The following CPA6 variants were observed in gnomAD, a reference collection of about 807,000 sequenced individuals.
CPA6 encodes the protein carboxypeptidase A6, also known as carboxypeptidase B.
CPA6 carries 58 observed loss-of-function variants against 63.3 expected under a neutral mutation model. That is an observed-to-expected ratio of 0.92 (90% CI 0.74 to 1.14). The LOEUF (loss-of-function observed/expected upper bound fraction) is 1.14. CPA6 is among the 50% of genes most tolerant of loss of function. CPA6 has a pLI of 0.00. For missense variants in CPA6, 565 were observed against 526.6 expected, an observed-to-expected ratio of 1.07 and a Z score of -0.71; for synonymous variants, 185 against 179.0, an observed-to-expected ratio of 1.03 and a Z score of -0.27.
intron 1 of CPA6, among the ~76,000 whole-genome samples, chr8:67,659,832 C>T (rs1325184994): frequency 2.0e-5 from 3 of 152,176 alleles, no homozygotes; most frequent in Non-Finnish European, 4.4e-5. Flanking sequence ...ATGTTGTTAT[C>T]AAGATGCAAA....
At position 67,441,955 on chromosome 8, in the gene CPA6, G is replaced by A. The variant is rs554650128; in HGVS notation, c.839-7715C>T. Among the ~76,000 whole-genome samples, 5 of 152,196 alleles carry A rather than the reference G, an allele frequency of 3.3e-5. 1 individual carries two copies. The highest frequency in any genetic ancestry group is 4.1e-4 in the South Asian group (2 of 4,820). ...AAATTTTTTCACAAGAATACATGCAGGGTGAACAGTGGGGGAAAAGGACTT... is the reference window on the plus strand; with the variant it reads ...AAATTTTTTCACAAGAATACATGCAAGGTGAACAGTGGGGGAAAAGGACTT... On this transcript the variant is annotated intron_variant, in intron 8 of 10. Coordinates refer to ENST00000297770, the MANE Select transcript of CPA6 (RefSeq NM_020361.5).
At chr8:67,433,955 C>T in intron 9 of CPA6, 83 bp downstream of exon 9, 1 of 873,828 alleles carries the variant, frequency 1.1e-6, no homozygotes. Context: ...ATGTGTTTGC[C>T]ATTATCATTA....
chr8:67,504,368 T>C (rs1811887725), intron 6 of CPA6, among the ~76,000 whole-genome samples: 1 of 152,238 alleles, frequency 6.6e-6, no homozygotes, highest in African/African-American at 2.4e-5. Flanking sequence ...CTCTTGAGTA[T>C]GGGCTGGACC....
At chr8:67,441,017 G>A (rs371612622) in intron 8 of CPA6, among the ~76,000 whole-genome samples, 19 of 152,170 alleles carry the variant, frequency 1.2e-4, no homozygotes, top group African/African-American at 4.3e-4. Flanking sequence ...CATATTCCAA[G>A]GTTTCAGTGG....
intron 2 of CPA6, among the ~76,000 whole-genome samples, chr8:67,602,641 A>G (rs1814525115): frequency 6.6e-6 from 1 of 152,206 alleles, no homozygotes; most frequent in African/African-American, 2.4e-5. Context: ...GGCATGATTT[A>G]TGACAGTTCA....
intron 2 of CPA6, among the ~76,000 whole-genome samples, chr8:67,597,449 C>A (rs1814374596): frequency 6.6e-6 from 1 of 152,144 alleles, no homozygotes; most frequent in Non-Finnish European, 1.5e-5. Flanking sequence ...CTGCCTCGGC[C>A]TCCTAAAGCG....
chr8:67,651,891 C>G (rs188174239), intron 1 of CPA6, among the ~76,000 whole-genome samples: 52 of 152,140 alleles, frequency 3.4e-4, no homozygotes, highest in South Asian at 1.5e-3. Context: ...ATCCCTCCCC[C>G]CTGCCCCCAC....
At chr8:67,727,559 A>C (rs750097325) in intron 1 of CPA6, among the ~76,000 whole-genome samples, 10 of 152,192 alleles carry the variant, frequency 6.6e-5, no homozygotes, top group Non-Finnish European at 1.3e-4. Context: ...CATCTCAACT[A>C]ACCAGGAAGG....
chr8:67,725,516 C>T (rs1363035521), intron 1 of CPA6, among the ~76,000 whole-genome samples: 2 of 152,018 alleles, frequency 1.3e-5, no homozygotes, highest in Admixed American at 1.3e-4. Flanking sequence ...CTTAATGTAC[C>T]AGTATTTTAC....
intron 8 of CPA6, among the ~76,000 whole-genome samples, chr8:67,474,796 T>A (rs1811138341): frequency 6.6e-6 from 1 of 152,068 alleles, no homozygotes; most frequent in Admixed American, 6.6e-5. Flanking sequence ...GGCAATATAG[T>A]GAGACTCTAT....
At chr8:67,572,627 G>A (rs1342884097) in intron 2 of CPA6, among the ~76,000 whole-genome samples, 1 of 152,108 alleles carries the variant, frequency 6.6e-6, no homozygotes, top group Non-Finnish European at 1.5e-5. Context: ...TTCTTTTATA[G>A]CGACACAAAA....
At chr8:67,552,131 A>G (rs1417929084) in intron 2 of CPA6, among the ~76,000 whole-genome samples, 1 of 152,218 alleles carries the variant, frequency 6.6e-6, no homozygotes, top group Non-Finnish European at 1.5e-5. Context: ...ATCGTCATGG[A>G]GTTTATAATA....
intron 2 of CPA6, among the ~76,000 whole-genome samples, chr8:67,589,911 T>C (rs998829724): frequency 2.6e-5 from 4 of 151,916 alleles, no homozygotes. Context: ...TATTACACTT[T>C]AAGTTTTAGG....
At chr8:67,706,109 T>A (rs923357279) in intron 1 of CPA6, among the ~76,000 whole-genome samples, 1 of 152,268 alleles carries the variant, frequency 6.6e-6, no homozygotes, top group African/African-American at 2.4e-5. Flanking sequence ...AAAAGATTCA[T>A]GAAAGGAATT....
intron 8 of CPA6, among the ~76,000 whole-genome samples, chr8:67,456,909 C>T (rs1373116923): frequency 2.0e-5 from 3 of 152,156 alleles, no homozygotes; most frequent in Admixed American, 6.5e-5. Context: ...CAAGATGGTA[C>T]GCCATAGGCT....
intron 2 of CPA6, among the ~76,000 whole-genome samples, chr8:67,590,309 T>G (rs1332475742): frequency 6.6e-6 from 1 of 151,624 alleles, no homozygotes; most frequent in African/African-American, 2.4e-5. Context: ...TTTGGCTTGG[T>G]TCCAAGTCTT....
chr8:67,552,485 A>C (rs914155858), intron 2 of CPA6, among the ~76,000 whole-genome samples: 1 of 152,204 alleles, frequency 6.6e-6, no homozygotes, highest in Non-Finnish European at 1.5e-5. Flanking sequence ...ATATTATAAA[A>C]AATGATGGCC....
At chr8:67,500,601 C>A (rs745783546) in intron 6 of CPA6, among the ~76,000 whole-genome samples, 3 of 151,860 alleles carry the variant, frequency 2.0e-5, no homozygotes, top group Non-Finnish European at 4.4e-5. Flanking sequence ...AATCAAAGAA[C>A]GCTTTGTCTT....
chr8:67,475,902 CTT>C (rs1183477679), intron 8 of CPA6, among the ~76,000 whole-genome samples: 1 of 88,170 alleles, frequency 1.1e-5, no homozygotes, highest in Non-Finnish European at 2.3e-5. Flanking sequence ...TTCTTTCTTT[CTT>C]TCTTTCTTTC....
Sources: gnomAD v4.1 joint callset for allele counts (sites outside exome capture counted in the v4.1 genomes callset) on GRCh38, gnomAD v4.1.1 for gene constraint, MANE v1.5 for transcripts, NCBI Gene and HGNC (gene_info 2026-07-23, HGNC 2026-07-21) for gene names.